TOP1MT: variants seen among roughly 807,000 people sequenced by gnomAD.
The protein encoded by TOP1MT is DNA topoisomerase I mitochondrial.
In TOP1MT, 80 loss-of-function variants were observed where a neutral mutation model predicts 73.9. The ratio of observed to expected loss-of-function variants is 1.08; its 90% CI spans 0.90 to 1.30. TOP1MT has a LOEUF of 1.30. Among genes scored for constraint, TOP1MT ranks in the 50% most tolerant of loss-of-function variants. TOP1MT has a pLI of 0.00. For synonymous variants in TOP1MT, 338 were observed against 326.4 expected (o/e 1.04, Z -0.38); for missense variants, 815 against 808.0 (o/e 1.01, Z -0.10).
intron 2 of TOP1MT, among the ~76,000 whole-genome samples, chr8:143,330,973 T>C (rs1404741362): frequency 6.6e-6 from 1 of 151,850 alleles, no homozygotes; most frequent in African/African-American, 2.4e-5. Flanking sequence ...GCCCAGAGGG[T>C]CCTGGACACA....
At position 143,329,452 on chromosome 8, in the gene TOP1MT, G is replaced by A. The variant is rs371607571; in HGVS notation, c.258C>T (p.Ser86=). ...AAGTGGCGACCTCCTCCGCTGCCAC[G>A]CTCAATCTCACAGGCCTTCCTGCAG... ...FFYEGRPVRL[S]VAAEEVATFY... is the part of the protein sequence containing the mutation. Residue 86 remains serine, a synonymous_variant, in exon 3 of 14, where the codon AGC becomes AGT. Transcript: ENST00000329245. 5.1e-5 allele frequency: 82 copies of A among 1,609,826 alleles called. 1 individual carries two copies. Among genetic ancestry groups the A allele is most frequent in the Admixed American group, 8.5e-5 (5 of 58,716 alleles).
At chr8:143,345,821 T>C (rs1309480032), upstream of TOP1MT, among the ~76,000 whole-genome samples, 1 of 152,234 alleles carries the variant, frequency 6.6e-6, no homozygotes, top group African/African-American at 2.4e-5. Context: ...GCATTTACTA[T>C]TGCATTGCTT....
rs1436574173 is a variant in TOP1MT at position 143,344,056 on chromosome 8, G to A, written c.-38-770C>T. On this transcript the variant is annotated intron_variant, in intron 1 of 5. Transcript: ENST00000518007. The surrounding 1 kb of genome is among the most constrained non-coding windows in gnomAD (Gnocchi z 4.6). ...AGAGCCCTACTGAGGCAGAGGCCTG[G>A]GCCAGCCGAGAAAGGTGAGAGGAGG... 1 of 152,296 alleles carries A rather than the reference G, an allele frequency of 6.6e-6. No homozygotes were observed. The highest frequency in any genetic ancestry group is 1.5e-5 in the Non-Finnish European group (1 of 68,096). The allele number at this position is 152,296 out of a possible 1,614,324, so 9.4% of individuals were successfully genotyped here. A position where few individuals can be genotyped will look rare whatever the true frequency, so the allele number is the denominator to read the frequency against.
At chr8:143,347,366 A>G (rs1466806167), upstream of TOP1MT, among the ~76,000 whole-genome samples, 1 of 152,104 alleles carries the variant, frequency 6.6e-6, no homozygotes, top group East Asian at 1.9e-4. Context: ...CATGTTAGCC[A>G]GGATGGTCTT....
At chr8:143,347,186 A>G (rs2977367), upstream of TOP1MT, among the ~76,000 whole-genome samples, 17,506 of 151,288 alleles carry the variant, frequency 0.12, 3,423 homozygotes, top group African/African-American at 0.4. Flanking sequence ...ATGGAGTCTC[A>G]CTCTGTCGCC....
upstream of TOP1MT, among the ~76,000 whole-genome samples, chr8:143,347,580 G>A (rs1212361747): frequency 6.6e-6 from 1 of 152,172 alleles, no homozygotes; most frequent in Non-Finnish European, 1.5e-5. Context: ...GGCGTGCCTG[G>A]CCAGGCCTCA....
chr8:143,320,230 G>A (rs373809785), intron 8 of TOP1MT, among the ~76,000 whole-genome samples: 4 of 151,866 alleles, frequency 2.6e-5, no homozygotes, highest in Non-Finnish European at 4.4e-5. Context: ...CTGGGTTCAC[G>A]CCATTCTCCT....
intron 7 of TOP1MT, among the ~76,000 whole-genome samples, chr8:143,322,567 ACACGCCACACACATG>A (rs1186272755): frequency 4.6e-5 from 5 of 108,494 alleles, no homozygotes; most frequent in Admixed American, 9.5e-5. Flanking sequence ...CCACACACAG[ACACGCCACACACATG>A]CACGCCACAC....
intron 1 of TOP1MT, chr8:143,332,591 C>T (rs1285313371): frequency 7.8e-7 from 1 of 1,288,612 alleles, no homozygotes; most frequent in East Asian, 5.5e-5. Context: ...AACAGGAAGT[C>T]TCTGAAGGGT....
At chr8:143,325,080 G>A (rs565844647) in intron 5 of TOP1MT, among the ~76,000 whole-genome samples, 16 of 152,366 alleles carry the variant, frequency 1.1e-4, no homozygotes, top group African/African-American at 3.6e-4. Context: ...TCCAGATGGT[G>A]TGGGATATGA....
chr8:143,311,117 A>ATTTTTTTTTT (rs769172231), intron 12 of TOP1MT, among the ~76,000 whole-genome samples: 150 of 106,824 alleles, frequency 1.4e-3, no homozygotes, highest in Admixed American at 2.6e-3. Context: ...CACGCACATG[A>ATTTTTTTTTT]TTTTTTTTTT....
At chr8:143,346,477 C>A (rs935385843), upstream of TOP1MT, among the ~76,000 whole-genome samples, 1 of 152,112 alleles carries the variant, frequency 6.6e-6, no homozygotes, top group African/African-American at 2.4e-5. Context: ...AACAAAGCAG[C>A]ACAAGAGAAT....
chr8:143,322,697 ACGCACGC>A (rs1563759917), intron 7 of TOP1MT, among the ~76,000 whole-genome samples: 8 of 49,990 alleles, frequency 1.6e-4, no homozygotes, highest in African/African-American at 2.9e-4. Context: ...CGCACGCCAC[ACGCACGC>A]CACACGCACG....
intron 1 of TOP1MT, chr8:143,355,919 C>A (rs929014487): frequency 6.6e-6 from 1 of 152,278 alleles, no homozygotes; most frequent in Admixed American, 6.5e-5. Flanking sequence ...CTCACTGCCC[C>A]ATTTCACCTC....
intron 7 of TOP1MT, among the ~76,000 whole-genome samples, chr8:143,323,767 T>C (rs1816621360): frequency 8.0e-6 from 1 of 124,952 alleles, no homozygotes; most frequent in Non-Finnish European, 1.7e-5. Context: ...CACACAGACA[T>C]GCCACACACA....
rs776377796 is a variant in TOP1MT, at chr8:143,317,982, C to T, written c.1215+36G>A. On this transcript the variant is annotated intron_variant, in intron 9 of 13. Transcript: ENST00000329245. ...CCCACGCCCTCTCACTGGGTCCTGC[C>T]GCCGCCCACTGCTGAGGAAACACGA... 1.1e-5 allele frequency: 17 copies of T among 1,611,962 alleles called. No homozygotes were observed. The East Asian group carries it at 1.8e-4, about 17-fold the overall frequency.
At chr8:143,336,175 T>C (rs1031886377), upstream of TOP1MT, among the ~76,000 whole-genome samples, 1 of 152,242 alleles carries the variant, frequency 6.6e-6, no homozygotes, top group African/African-American at 2.4e-5. Flanking sequence ...TTTTGTTTTT[T>C]ACTTTTTGTA....
At chr8:143,319,191 G>A (rs1816259843) in intron 8 of TOP1MT, among the ~76,000 whole-genome samples, 1 of 152,154 alleles carries the variant, frequency 6.6e-6, no homozygotes, top group Admixed American at 6.5e-5. Context: ...CCCTGCCAGG[G>A]ACTCCTGTTT....
At chr8:143,347,433 G>A (rs1817244585), upstream of TOP1MT, among the ~76,000 whole-genome samples, 1 of 152,186 alleles carries the variant, frequency 6.6e-6, no homozygotes, top group African/African-American at 2.4e-5. Context: ...GGGATTACAG[G>A]CATGAGCCAC....
Sources: allele counts gnomAD v4.1 joint callset (sites outside exome capture counted in the v4.1 genomes callset), GRCh38; gene constraint gnomAD v4.1.1; non-coding constraint Gnocchi (gnomAD v3.1); transcripts MANE v1.5; gene names NCBI Gene and HGNC (gene_info 2026-07-23, HGNC 2026-07-21).